Variants in CHML observed in about 807,000 individuals in gnomAD.
The protein encoded by CHML is rab proteins geranylgeranyltransferase component A 2.
CHML carries 20 observed loss-of-function variants against 30.4 expected under a neutral mutation model. That is an observed-to-expected ratio of 0.66 (90% CI 0.46 to 0.95). The LOEUF is 0.95. Among genes scored for constraint, CHML ranks in the 40% least tolerant of loss-of-function variants. The pLI, the probability that CHML is intolerant of heterozygous loss-of-function variation, is 0.00. For synonymous variants in CHML, 281 were observed against 275.0 expected (o/e 1.02, Z -0.22); for missense variants, 795 against 768.5 (o/e 1.03, Z -0.41).
At position 241,635,670 on chromosome 1, in the gene CHML, T is replaced by C. The variant is rs1471745230; in HGVS notation, c.97A>G (p.Arg33Gly). 1 of 1,614,054 alleles carries C rather than the reference T, an allele frequency of 6.2e-7. No individual in the cohort carries two copies. Among genetic ancestry groups the C allele is most frequent in the Non-Finnish European group, 8.5e-7 (1 of 1,179,922 alleles). Residue 33 changes from arginine (R) to glycine (G), a missense_variant, in exon 2 of 2, where the codon AGG becomes GGG. Arg to Gly is a moderately radical substitution (Grantham distance 125, BLOSUM62 -2). Transcript: ENST00000366553. ...CTTCTTGAATCAATATGCAGAACCC[T>C]CTGACCACTTCTTGAACATGCAGCT... ...LAAACSRSGQ[R>G]VLHIDSRSYY...
rs1025356809 is a variant in CHML at position 241,631,526 on chromosome 1, C to T, written c.*2270G>A. 3 of 152,100 alleles carry T rather than the reference C, an allele frequency of 2.0e-5. No individual in the cohort carries two copies. Among genetic ancestry groups the T allele is most frequent in the Non-Finnish European group, 2.9e-5 (2 of 67,966 alleles). 9.4% of individuals were successfully genotyped at this position (152,100 alleles called of 1,614,324 possible). On this transcript the variant is annotated 3_prime_UTR_variant, in exon 2 of 2. Transcript: ENST00000366553. ...TTTACTATATTTTTAAAAGTCAATA[C>T]AATCCATGACTTTGCTACTTTAAGT...
chr1:241,636,620 G>T (rs1167374534), intron 1 of CHML, among the ~76,000 whole-genome samples: 1 of 151,964 alleles, frequency 6.6e-6, no homozygotes, highest in African/African-American at 2.4e-5. Flanking sequence ...TATTACAAAA[G>T]GATTAATTCA....
Position 241,635,522 on chromosome 1 carries a change from T to C in CHML, c.245A>G (p.Glu82Gly), listed in dbSNP as rs1347929377. The change falls in exon 2 of 2, where the codon GAA becomes GGA. Residue 82 changes from glutamate (E) to glycine (G), a missense_variant. Glu to Gly is a moderately conservative substitution (Grantham distance 98). Coordinates refer to ENST00000366553, the MANE Select transcript of CHML (RefSeq NM_001381853.1). ...STVVWQDLIHETEEAITLRKK... is the reference protein window; with the variant it reads ...STVVWQDLIHGTEEAITLRKK... ...GCGAAGAGTGATGGCTTCTTCTGTT[T>C]CATGGATCAGGTCCTGCCATACAAC... The C allele has an allele frequency of 6.2e-7, 1 of 1,614,020 alleles. No individual in the cohort carries two copies. The highest frequency in any genetic ancestry group is 1.1e-5 in the South Asian group (1 of 91,076).
At chr1:241,639,368 T>A (rs1208361167) in intron 1 of CHML, 2 of 144,860 alleles carry the variant, frequency 1.4e-5, no homozygotes, top group Non-Finnish European at 3.1e-5. Context: ...CTAATGAGAA[T>A]TTTTTTTTAC....
Position 241,635,084 on chromosome 1 carries a change from C to T in CHML, c.683G>A (p.Arg228Lys). The T allele has an allele frequency of 6.2e-7, 1 of 1,612,762 alleles. No homozygotes were observed. Among genetic ancestry groups the T allele is most frequent in the Middle Eastern group, 1.6e-4 (1 of 6,062 alleles). ...TYSQIVKEGR[R>K]FNIDLVSKLL... ...TTTTGACACCAAATCAATATTAAAC[C>T]TCCTGCCTTCTTTAACTATTTGAGA... The change falls in exon 2 of 2, where the codon AGG becomes AAG. Residue 228 changes from arginine to lysine, a missense_variant. Arg to Lys is a conservative substitution (Grantham distance 26). Coordinates refer to ENST00000366553, the MANE Select transcript of CHML (RefSeq NM_001381853.1).
rs1321663757 is a variant in CHML, at chr1:241,640,222, G to C, written c.-648C>G. The C allele has an allele frequency of 2.3e-5, 31 of 1,330,398 alleles. No individual in the cohort carries two copies. Among genetic ancestry groups the C allele is most frequent in the African/African-American group, 1.6e-5 (1 of 64,490 alleles). 82.4% of individuals were successfully genotyped at this position (1,330,398 alleles called of 1,614,324 possible). On this transcript the variant is annotated 5_prime_UTR_variant, in exon 1 of 2. Transcript: ENST00000366553. ...CCGCGGCCCCGCCGCCGTCCCAGTA[G>C]CCGTGGCCGCCGCTGCGGTTCCCCG...
At chr1:241,639,001 A>G (rs1467310129) in intron 1 of CHML, among the ~76,000 whole-genome samples, 2 of 152,248 alleles carry the variant, frequency 1.3e-5, no homozygotes, top group Non-Finnish European at 1.5e-5. Flanking sequence ...ACACAAAAAA[A>G]TAATTTCCTT....
At chr1:241,636,849 G>A (rs185425185) in intron 1 of CHML, among the ~76,000 whole-genome samples, 2 of 151,792 alleles carry the variant, frequency 1.3e-5, no homozygotes, top group African/African-American at 2.4e-5. Context: ...TTTGCATTTC[G>A]CCACTGTCTC....
In CHML at chr1:241,635,378, G is replaced by A; in HGVS notation, c.389C>T (p.Thr130Ile). ...QKNPSLGVSN[T>I]FTEVLDSALP... ...TGCAGAATCCAGAACTTCAGTGAAG[G>A]TATTAGACACCCCCAAAGAAGGATT... Residue 130 changes from threonine (T) to isoleucine (I), a missense_variant, in exon 2 of 2, where the codon ACC (threonine) becomes ATC (isoleucine). Coordinates refer to ENST00000366553, the MANE Select transcript of CHML (RefSeq NM_001381853.1). The A allele has an allele frequency of 6.2e-7, 1 of 1,614,012 alleles. No homozygotes were observed. Among genetic ancestry groups the A allele is most frequent in the Non-Finnish European group, 8.5e-7 (1 of 1,179,948 alleles).
chr1:241,630,854 A>C lies in CHML; in HGVS notation c.*2942T>G, dbSNP rs907004200. On this transcript the variant is annotated 3_prime_UTR_variant, in exon 2 of 2. Transcript: ENST00000366553. ...TTTACTATTTGTTCTTTTGATGCTG[A>C]TTTAATGGCTGTTCTGCTTAACACC... is the stretch of plus-strand genomic sequence containing the variant. 5.9e-5 allele frequency: 9 copies of C among 152,126 alleles called. No homozygotes were observed. The highest frequency in any genetic ancestry group is 5.9e-4 in the Admixed American group (9 of 15,272). 9.4% of individuals were successfully genotyped at this position (152,126 alleles called of 1,614,324 possible).
At position 241,629,704 on chromosome 1, in the gene CHML, T is replaced by A. The variant is rs1476255116; in HGVS notation, c.*4092A>T. The A allele has an allele frequency of 6.6e-6, 1 of 152,136 alleles. No homozygotes were observed. Among genetic ancestry groups the A allele is most frequent in the African/African-American group, 2.4e-5 (1 of 41,446 alleles). 9.4% of individuals were successfully genotyped at this position (152,136 alleles called of 1,614,324 possible). A position where few individuals can be genotyped will look rare whatever the true frequency, so the allele number is the denominator to read the frequency against. On this transcript the variant is annotated 3_prime_UTR_variant, in exon 2 of 2. Coordinates refer to ENST00000366553, the MANE Select transcript of CHML (RefSeq NM_001381853.1). Reference sequence around the variant, plus strand: ...GAGACTTGTAGTATTTTTCTTTTTATACTTAACATTTTAATTCATTTGGAA... The same window carrying A: ...GAGACTTGTAGTATTTTTCTTTTTAAACTTAACATTTTAATTCATTTGGAA...
Position 241,633,678 on chromosome 1 carries a change from G to T in CHML, c.*118C>A. On this transcript the variant is annotated 3_prime_UTR_variant, in exon 2 of 2. Transcript: ENST00000366553. Reference sequence around the variant, plus strand: ...TGTCTGAGAGTTAAAGACAACATCTGCATAGCATTCATCATATATAACCAC... The same window carrying T: ...TGTCTGAGAGTTAAAGACAACATCTTCATAGCATTCATCATATATAACCAC... 9.9e-7 allele frequency: 1 copy of T among 1,006,296 alleles called. No individual in the cohort carries two copies. The highest frequency in any genetic ancestry group is 1.5e-6 in the Non-Finnish European group (1 of 674,876). 62.3% of individuals were successfully genotyped at this position (1,006,296 alleles called of 1,614,324 possible). A position where few individuals can be genotyped will look rare whatever the true frequency, so the allele number is the denominator to read the frequency against.
rs1664647723 is a variant in CHML at position 241,631,863 on chromosome 1, T to G, written c.*1933A>C. On this transcript the variant is annotated 3_prime_UTR_variant, in exon 2 of 2. Transcript: ENST00000366553. ...TTTCGTGGGCACTTTCTCTTTCTCC[T>G]GCAGCGCCTACACTCTCTAACAGTG... 2 of 152,122 alleles carry G rather than the reference T, an allele frequency of 1.3e-5. No individual in the cohort carries two copies. 9.4% of individuals were successfully genotyped at this position (152,122 alleles called of 1,614,324 possible). A position where few individuals can be genotyped will look rare whatever the true frequency, so the allele number is the denominator to read the frequency against.
rs761760619 is a variant in CHML at position 241,635,393 on chromosome 1, AAAG to A, written c.371_373del (p.Ser124del). 2 of 1,614,010 alleles carry A rather than the reference AAAG, an allele frequency of 1.2e-6. No individual in the cohort carries two copies. Among genetic ancestry groups the A allele is most frequent in the East Asian group, 2.2e-5 (1 of 44,884 alleles). On this transcript the variant is annotated inframe_deletion, in exon 2 of 2. Coordinates refer to ENST00000366553, the MANE Select transcript of CHML (RefSeq NM_001381853.1). ...TTCAGTGAAGGTATTAGACACCCCC[AAAG>A]AAGGATTTTTCTGCAGAGCACCAAT...
In CHML at chr1:241,634,153, T is replaced by C; in HGVS notation, c.1614A>G (p.Ile538Met). 1 of 1,613,614 alleles carries C rather than the reference T, an allele frequency of 6.2e-7. No individual in the cohort carries two copies. Among genetic ancestry groups the C allele is most frequent in the Non-Finnish European group, 8.5e-7 (1 of 1,179,818 alleles). The change falls in exon 2 of 2, where the codon ATA (isoleucine) becomes ATG (methionine). Residue 538 changes from isoleucine (I) to methionine (M), a missense_variant. Coordinates refer to ENST00000366553, the MANE Select transcript of CHML (RefSeq NM_001381853.1). ...TTGGCTTTGTAAGTTCTTCCTCGTT[T>C]ATTTCTGTTTCAGTATACGGAGTGA... is the stretch of plus-strand genomic sequence containing the variant. ...KLFTPYTETE[I>M]NEEELTKPRL...
At position 241,634,265 on chromosome 1, in the gene CHML, C is replaced by A. The variant is rs766680773; in HGVS notation, c.1502G>T (p.Cys501Phe). The A allele has an allele frequency of 5.0e-6, 8 of 1,613,824 alleles. No homozygotes were observed. Among genetic ancestry groups the A allele is most frequent in the African/African-American group, 1.3e-5 (1 of 74,906 alleles). Residue 501 changes from cysteine to phenylalanine, a missense_variant, in exon 2 of 2, where the codon TGC (cysteine) becomes TTC (phenylalanine). Coordinates refer to ENST00000366553, the MANE Select transcript of CHML (RefSeq NM_001381853.1). ...VTELCSSTMTCMKDTYLVHLT... is the reference protein window; with the variant it reads ...VTELCSSTMTFMKDTYLVHLT... ...ATGTACCAGATAGGTGTCCTTCATG[C>A]ATGTCATGGTTGAAGAACATAATTC...
At chr1:241,638,947 C>T (rs1320153192) in intron 1 of CHML, among the ~76,000 whole-genome samples, 2 of 152,162 alleles carry the variant, frequency 1.3e-5, no homozygotes, top group East Asian at 3.8e-4. Flanking sequence ...TTGAGAAATA[C>T]ACATTTCTAT....
intron 1 of CHML, among the ~76,000 whole-genome samples, chr1:241,638,542 A>C (rs1664990650): frequency 6.6e-6 from 1 of 152,224 alleles, no homozygotes; most frequent in Non-Finnish European, 1.5e-5. Context: ...CCTTCTTAGC[A>C]TTGCCGAAGA....
chr1:241,630,464 A>T lies in CHML; in HGVS notation c.*3332T>A, dbSNP rs1373306114. 1 of 152,102 alleles carries T rather than the reference A, an allele frequency of 6.6e-6. No homozygotes were observed. Among genetic ancestry groups the T allele is most frequent in the Non-Finnish European group, 1.5e-5 (1 of 67,946 alleles). 9.4% of individuals were successfully genotyped at this position (152,102 alleles called of 1,614,324 possible). ...GCTAAGATGTAGAAATGAGATTTTT[A>T]AAAATTGTGTATCCTGCAACTTCTT... On this transcript the variant is annotated 3_prime_UTR_variant, in exon 2 of 2. Coordinates refer to ENST00000366553, the MANE Select transcript of CHML (RefSeq NM_001381853.1).
Sources: allele counts gnomAD v4.1 joint callset (sites outside exome capture counted in the v4.1 genomes callset), GRCh38; gene constraint gnomAD v4.1.1; transcripts MANE v1.5; gene names NCBI Gene and HGNC (gene_info 2026-07-23, HGNC 2026-07-21).